DISP1: variants seen among roughly 807,000 people sequenced by gnomAD.
The protein encoded by DISP1 is protein dispatched homolog 1.
In DISP1, 30 loss-of-function variants were observed where a neutral mutation model predicts 37.3. The observed-to-expected ratio is 0.80, with a 90% CI of 0.60 to 1.09. The LOEUF is 1.09. Among genes scored for constraint, DISP1 ranks in the 50% least tolerant of loss-of-function variants. The probability of loss-of-function intolerance (pLI) is 0.00; values close to 1 mark genes in which losing one functional copy is unlikely to be tolerated. For synonymous variants in DISP1, 634 were observed against 690.2 expected (o/e 0.92, Z 1.28); for missense variants, 1,598 against 1,879.5 (o/e 0.85, Z 2.77).
At chr1:222,985,384 G>A (rs547244938) in intron 4 of DISP1, among the ~76,000 whole-genome samples, 2 of 152,228 alleles carry the variant, frequency 1.3e-5, no homozygotes, top group Non-Finnish European at 2.9e-5. Flanking sequence ...GGGCACAGTG[G>A]CTCACGCCTA....
chr1:222,965,688 T>A (rs1676427225), intron 3 of DISP1, among the ~76,000 whole-genome samples: 2 of 152,176 alleles, frequency 1.3e-5, no homozygotes, highest in South Asian at 2.1e-4. Context: ...CATATGACTG[T>A]CATTTCCATA....
chr1:222,915,148 G>A (rs1287616471), intron 1 of DISP1, among the ~76,000 whole-genome samples: 2 of 152,210 alleles, frequency 1.3e-5, no homozygotes, highest in Admixed American at 1.3e-4. Context: ...TGCAAATACA[G>A]TCAGAGATTG....
Position 222,840,729 on chromosome 1 carries a change from A to AT in DISP1, c.-159+25657dup, listed in dbSNP as rs539572990. On this transcript the variant is annotated intron_variant, in intron 1 of 8. Transcript: ENST00000675850. ...AGGTGCCCGCCACCACACCCGGCTA[A>AT]TTTTTTGTATTTTTAGTAGAGATGG... Among the ~76,000 whole-genome samples the AT allele has an allele frequency of 4.0e-5, 5 of 124,302 alleles. No homozygotes were observed. The East Asian group carries it at 5.8e-4, about 15-fold the overall frequency. The allele number at this position is 124,302 out of a possible 152,430, so 81.5% of individuals were successfully genotyped here. A position where few individuals can be genotyped will look rare whatever the true frequency, so the allele number is the denominator to read the frequency against.
At chr1:222,851,405 A>G (rs1227605179) in intron 1 of DISP1, among the ~76,000 whole-genome samples, 1 of 152,106 alleles carries the variant, frequency 6.6e-6, no homozygotes, top group African/African-American at 2.4e-5. Context: ...ATAGTTCTTT[A>G]TAGGGTTTCA....
At chr1:222,913,677 T>G (rs1482519200) in intron 1 of DISP1, among the ~76,000 whole-genome samples, 4 of 151,790 alleles carry the variant, frequency 2.6e-5, no homozygotes, top group African/African-American at 9.7e-5. Flanking sequence ...GAGGCCAAGA[T>G]GGGAGGATCT....
chr1:222,836,742 A>AATATAT (rs67076863), intron 1 of DISP1, among the ~76,000 whole-genome samples: 635 of 144,516 alleles, frequency 4.4e-3, no homozygotes, highest in African/African-American at 8.9e-3. Flanking sequence ...AATTAAAAAG[A>AATATAT]ATATATATAT....
chr1:222,830,931 A>T (rs1397431169), intron 1 of DISP1: 1 of 152,132 alleles, frequency 6.6e-6, no homozygotes, highest in Non-Finnish European at 1.5e-5. Context: ...TGTTTTAGGG[A>T]TAATGGGAAA....
intron 1 of DISP1, among the ~76,000 whole-genome samples, chr1:222,825,935 T>C (rs1051281965): frequency 6.6e-6 from 1 of 152,228 alleles, no homozygotes; most frequent in African/African-American, 2.4e-5. Context: ...TGGGTCTTGC[T>C]CTGTCACCCA....
intron 3 of DISP1, among the ~76,000 whole-genome samples, 170 bp from the exon 4 acceptor site, chr1:222,982,910 A>G (rs1235675979): frequency 6.7e-6 from 1 of 150,258 alleles, no homozygotes; most frequent in African/African-American, 2.5e-5. Context: ...GCCAACATTC[A>G]TTGTTTAAAA....
intron 1 of DISP1, among the ~76,000 whole-genome samples, chr1:222,827,843 T>G (rs964550236): frequency 6.6e-6 from 1 of 152,170 alleles, no homozygotes; most frequent in African/African-American, 2.4e-5. Context: ...ATAATTTGAT[T>G]TAGAAGCTTT....
chr1:222,948,659 A>T (rs1674970483), intron 3 of DISP1, among the ~76,000 whole-genome samples: 1 of 152,214 alleles, frequency 6.6e-6, no homozygotes, highest in South Asian at 2.1e-4. Context: ...TAAATTGATA[A>T]GGTCAAGTAA....
At position 222,895,586 on chromosome 1, in the gene DISP1, A is replaced by G. The variant is rs1359321126; in HGVS notation, c.-158-32844A>G. On this transcript the variant is annotated intron_variant, in intron 1 of 8. Transcript: ENST00000675850. Reference sequence around the variant, plus strand: ...AAACAGAATAATTAATGTACATTTTATCTCTTTAAAATAACATGATTGATA... The same window carrying G: ...AAACAGAATAATTAATGTACATTTTGTCTCTTTAAAATAACATGATTGATA... Among the ~76,000 whole-genome samples the G allele has an allele frequency of 1.3e-5, 2 of 152,232 alleles. 1 individual carries two copies. Among genetic ancestry groups the G allele is most frequent in the Non-Finnish European group, 2.9e-5 (2 of 68,036 alleles).
chr1:222,942,913 C>T lies in DISP1; in HGVS notation c.90C>T (p.Pro30=), dbSNP rs755150903. 6 of 1,614,152 alleles carry T rather than the reference C, an allele frequency of 3.7e-6. No homozygotes were observed. Among genetic ancestry groups the T allele is most frequent in the South Asian group, 3.3e-5 (3 of 91,082 alleles). Residue 30 remains proline (P), a synonymous_variant, in exon 3 of 9, where the codon CCC becomes CCT. Transcript: ENST00000675850. The part of the protein sequence containing the change: ...TSAANPSPLT[P]CDGDHAAQQL... ...CTGCTAACCCGAGTCCCCTCACCCC[C>T]TGTGATGGAGACCATGCAGCCCAGC...
At chr1:222,867,925 G>A (rs1332549574) in intron 1 of DISP1, among the ~76,000 whole-genome samples, 1 of 152,124 alleles carries the variant, frequency 6.6e-6, no homozygotes, top group Non-Finnish European at 1.5e-5. Context: ...TGCAGAAGGA[G>A]TTAGTGAGAG....
In DISP1 at chr1:222,943,171, C is replaced by T. The variant is rs1465003188; in HGVS notation, c.348C>T (p.Cys116=). ...CACCCTCTGCTTTGGCCTCGTGTTG[C>T]ATGCAGCCACACTCCGAGTATTCTG... ...PAAPSALASC[C]MQPHSEYSAS... The change falls in exon 3 of 9, where the codon TGC becomes TGT. Residue 116 remains cysteine, a synonymous_variant. Transcript: ENST00000675850. 2 of 1,611,420 alleles carry T rather than the reference C, an allele frequency of 1.2e-6. No individual in the cohort carries two copies. Among genetic ancestry groups the T allele is most frequent in the Non-Finnish European group, 1.7e-6 (2 of 1,177,698 alleles).
chr1:222,887,719 C>T (rs1311822383), intron 1 of DISP1, among the ~76,000 whole-genome samples: 1 of 112,074 alleles, frequency 8.9e-6, no homozygotes, highest in African/African-American at 3.2e-5. Flanking sequence ...AGGATGGTCT[C>T]GATCTCCTGA....
At chr1:222,939,967 A>G (rs925466397) in intron 2 of DISP1, among the ~76,000 whole-genome samples, 2 of 152,042 alleles carry the variant, frequency 1.3e-5, no homozygotes, top group African/African-American at 4.8e-5. Context: ...CTACTAAAAA[A>G]TATGAAAAAT....
chr1:222,857,369 A>G (rs1432241804), intron 1 of DISP1, among the ~76,000 whole-genome samples: 4 of 152,222 alleles, frequency 2.6e-5, no homozygotes, highest in African/African-American at 9.6e-5. Context: ...GAAATCTGGC[A>G]CAAGACAAGG....
intron 3 of DISP1, among the ~76,000 whole-genome samples, chr1:222,981,287 C>A (rs529319469): frequency 7.9e-4 from 110 of 139,212 alleles, no homozygotes; most frequent in Non-Finnish European, 1.5e-3. Flanking sequence ...CACTACAGCT[C>A]CACTATTAAG....
Sources: gnomAD v4.1 joint callset for allele counts (sites outside exome capture counted in the v4.1 genomes callset) on GRCh38, gnomAD v4.1.1 for gene constraint, MANE v1.5 for transcripts, NCBI Gene and HGNC (gene_info 2026-07-23, HGNC 2026-07-21) for gene names.